Variants in UIMC1 observed in about 807,000 individuals in gnomAD.
The protein encoded by UIMC1 is BRCA1-A complex subunit RAP80.
A neutral mutation model predicts 84.9 loss-of-function variants in UIMC1; 42 were observed. The observed-to-expected ratio is 0.49, with a 90% confidence interval of 0.39 to 0.64. The LOEUF is 0.64. Among genes scored for constraint, UIMC1 ranks in the 30% least tolerant of loss-of-function variants. The probability of loss-of-function intolerance (pLI) is 0.00; values close to 1 mark genes in which losing one functional copy is unlikely to be tolerated. For synonymous variants in UIMC1, 281 were observed against 293.0 expected, an observed-to-expected ratio of 0.96 and a Z score of 0.42; for missense variants, 825 against 847.6, an observed-to-expected ratio of 0.97 and a Z score of 0.33.
intron 6 of UIMC1, among the ~76,000 whole-genome samples, chr5:176,959,253 GAGAA>G (rs774696800): frequency 2.0e-5 from 3 of 152,050 alleles, no homozygotes; most frequent in Non-Finnish European, 2.9e-5. Flanking sequence ...CTCTCAGAAA[GAGAA>G]AGAAAGAGAA....
At chr5:176,913,000 C>T (rs147687118) in intron 10 of UIMC1, among the ~76,000 whole-genome samples, 1 of 152,302 alleles carries the variant, frequency 6.6e-6, no homozygotes, top group East Asian at 1.9e-4. Flanking sequence ...GAGGGAAATT[C>T]ACTTCCCCCT....
chr5:176,948,660 C>A (rs1435829118), intron 9 of UIMC1, among the ~76,000 whole-genome samples: 1 of 152,198 alleles, frequency 6.6e-6, no homozygotes, highest in Non-Finnish European at 1.5e-5. Context: ...TCCCAAGAGT[C>A]TAAAACAATG....
intron 10 of UIMC1, among the ~76,000 whole-genome samples, chr5:176,931,989 A>C (rs780086551): frequency 9.9e-5 from 15 of 152,168 alleles, no homozygotes; most frequent in Non-Finnish European, 2.1e-4. Flanking sequence ...ACAAACAAAC[A>C]AACAAAAAAA....
At chr5:177,003,382 C>T (rs57975064) in intron 1 of UIMC1, among the ~76,000 whole-genome samples, 5,026 of 152,192 alleles carry the variant, frequency 0.033, 295 homozygotes, top group African/African-American at 0.11. Context: ...AGGCCGGGCG[C>T]GGTGGTTCAC....
chr5:176,943,476 C>T lies in UIMC1; in HGVS notation c.1456G>A (p.Glu486Lys), dbSNP rs763191578. 2 of 1,613,808 alleles carry T rather than the reference C, an allele frequency of 1.2e-6. No homozygotes were observed. The highest frequency in any genetic ancestry group is 1.3e-5 in the African/African-American group (1 of 74,926). The change falls in exon 10 of 15, where the codon GAA (glutamate) becomes AAA (lysine). Residue 486 changes from glutamate to lysine, a missense_variant. Coordinates refer to ENST00000511320, the MANE Select transcript of UIMC1 (RefSeq NM_001199298.2). Reference protein sequence around the residue: ...IMADKEVGNKEDAEKEVAIST... With the variant: ...IMADKEVGNKKDAEKEVAIST... The stretch of plus-strand genomic sequence containing the variant: ...ATAGCTACTTCCTTCTCAGCATCTT[C>T]CTTGTTACCAACCTGAAGAACATGA...
chr5:176,963,541 T>C (rs942435949), intron 6 of UIMC1, among the ~76,000 whole-genome samples: 1 of 145,192 alleles, frequency 6.9e-6, no homozygotes, highest in Non-Finnish European at 1.5e-5. Context: ...AAAAAAAAAG[T>C]GAAAATGAAT....
At chr5:176,986,936 T>C (rs540210122) in intron 1 of UIMC1, among the ~76,000 whole-genome samples, 6 of 152,226 alleles carry the variant, frequency 3.9e-5, no homozygotes, top group Admixed American at 6.5e-5. Flanking sequence ...AAAACTATTA[T>C]AGGCCAGGTA....
chr5:176,949,797 C>T (rs1252740718), intron 9 of UIMC1, among the ~76,000 whole-genome samples: 2 of 152,152 alleles, frequency 1.3e-5, no homozygotes, highest in Admixed American at 6.5e-5. Flanking sequence ...CAGTGGCTCA[C>T]GCCTGTAATC....
intron 11 of UIMC1, 36 bp from the exon 12 acceptor site, chr5:176,908,730 T>G: frequency 3.8e-6 from 6 of 1,592,932 alleles, no homozygotes; most frequent in Non-Finnish European, 5.1e-6. Flanking sequence ...AACACAGTTT[T>G]AAGATGTGCT....
chr5:177,003,421 G>A (rs1375787540), intron 1 of UIMC1, among the ~76,000 whole-genome samples: 7 of 152,196 alleles, frequency 4.6e-5, no homozygotes, highest in Non-Finnish European at 8.8e-5. Flanking sequence ...CTGGGAGGCC[G>A]AGGCAGGCAG....
rs139253025 is a variant in UIMC1, at chr5:176,968,736, T to C, written c.1019A>G (p.Glu340Gly). Residue 340 changes from glutamate to glycine, a missense_variant, in exon 6 of 15, where the codon GAG becomes GGG. Glu to Gly is a moderately conservative substitution (Grantham distance 98). Transcript: ENST00000511320. ...SLIQNECGQG[E>G]QASEKNECIS... ...GCATTCATTTTTCTCACTAGCCTGC[T>C]CTCCTTGGCCACATTCATTCTGGAT... The C allele has an allele frequency of 6.2e-7, 1 of 1,614,142 alleles. No individual in the cohort carries two copies. The highest frequency in any genetic ancestry group is 2.2e-5 in the East Asian group (1 of 44,884).
intron 10 of UIMC1, among the ~76,000 whole-genome samples, chr5:176,918,097 C>T (rs1761247442): frequency 6.6e-6 from 1 of 152,210 alleles, no homozygotes; most frequent in Admixed American, 6.5e-5. Context: ...TTGGATAGTG[C>T]TGTTCTTTCA....
At chr5:176,950,100 CTT>C (rs779279628) in intron 9 of UIMC1, among the ~76,000 whole-genome samples, 4 of 108,628 alleles carry the variant, frequency 3.7e-5, no homozygotes, top group Non-Finnish European at 3.6e-5. Flanking sequence ...AGGAACCTTT[CTT>C]TTTTTTTTTT....
rs1759254658 is a variant in UIMC1, at chr5:176,905,577, A to G, written c.1950-85T>C. 9.2e-6 allele frequency: 11 copies of G among 1,197,190 alleles called. No homozygotes were observed. In the South Asian group the frequency reaches 1.1e-4, roughly 12 times the overall value. The allele number at this position is 1,197,190 out of a possible 1,614,324, so 74.2% of individuals were successfully genotyped here. On this transcript the variant is annotated intron_variant, in intron 14 of 14. Coordinates refer to ENST00000511320, the MANE Select transcript of UIMC1 (RefSeq NM_001199298.2). ...TATGCACTGTATCAGGGGATTTTAC[A>G]TATCAGGGGATTATTAGTACAAATA...
intron 2 of UIMC1, among the ~76,000 whole-genome samples, chr5:176,976,122 C>T (rs1392435434): frequency 1.3e-5 from 2 of 152,010 alleles, no homozygotes; most frequent in African/African-American, 4.8e-5. Context: ...GTAGAGAGAT[C>T]CTGTCCTTAA....
chr5:176,929,391 G>A (rs190193983), intron 10 of UIMC1, among the ~76,000 whole-genome samples: 4 of 148,142 alleles, frequency 2.7e-5, no homozygotes, highest in South Asian at 2.1e-4. Context: ...GTGAAACCCC[G>A]TCTCTACTAA....
chr5:176,960,199 T>C lies in UIMC1; in HGVS notation c.1201-2045A>G, dbSNP rs1233638367. 3.3e-5 allele frequency among the ~76,000 whole-genome samples: 5 copies of C among 152,190 alleles called. No individual in the cohort carries two copies. The South Asian group carries it at 6.2e-4, about 19-fold the overall frequency. The stretch of plus-strand genomic sequence containing the variant: ...GTTAAATAATTTGCCCTAAATCATA[T>C]AGTTGGTCAAAATCGTAGCGCTGAG... On this transcript the variant is annotated intron_variant, in intron 6 of 14. Coordinates refer to ENST00000511320, the MANE Select transcript of UIMC1 (RefSeq NM_001199298.2).
intron 6 of UIMC1, among the ~76,000 whole-genome samples, chr5:176,959,581 TG>T (rs1343823420): frequency 6.6e-6 from 1 of 151,592 alleles, no homozygotes; most frequent in Non-Finnish European, 1.5e-5. Flanking sequence ...CCGGGCGTAG[TG>T]GCAGGCGCCT....
At chr5:176,973,121 G>A (rs1185422229) in intron 3 of UIMC1, among the ~76,000 whole-genome samples, 1 of 151,700 alleles carries the variant, frequency 6.6e-6, no homozygotes, top group African/African-American at 2.4e-5. Flanking sequence ...TCACCATGTT[G>A]GCCAGGCTGG....
Sources: gnomAD v4.1 joint callset for allele counts (sites outside exome capture counted in the v4.1 genomes callset) on GRCh38, gnomAD v4.1.1 for gene constraint, MANE v1.5 for transcripts, NCBI Gene and HGNC (gene_info 2026-07-23, HGNC 2026-07-21) for gene names.